The following PLCL2 variants were observed in gnomAD, a reference collection of about 807,000 sequenced individuals.
The protein encoded by PLCL2 is phospholipase C like 2, also known as inactive phospholipase C-like protein 2.
A neutral mutation model predicts 79.6 loss-of-function variants in PLCL2; 4 were observed. The ratio of observed to expected loss-of-function variants is 0.05; its 90% CI spans 0.02 to 0.11. PLCL2 has a LOEUF of 0.11. Among genes scored for constraint, PLCL2 ranks in the 10% least tolerant of loss-of-function variants. The probability of loss-of-function intolerance (pLI) is 1.00; values close to 1 mark genes in which losing one functional copy is unlikely to be tolerated. For synonymous variants in PLCL2, 484 were observed against 457.7 expected (o/e 1.06, Z -0.73); for missense variants, 895 against 1,291.0 (o/e 0.69, Z 4.70).
At chr3:16,949,308 C>T (rs1315167351) in intron 1 of PLCL2, among the ~76,000 whole-genome samples, 3 of 152,208 alleles carry the variant, frequency 2.0e-5, no homozygotes. Flanking sequence ...TTTCCCTACA[C>T]ACTTGCTAAT....
Position 16,932,002 on chromosome 3 carries a change from T to C in PLCL2, c.327+46636T>C, listed in dbSNP as rs375780909. On this transcript the variant is annotated intron_variant, in intron 1 of 5. Coordinates refer to ENST00000615277, the MANE Select transcript of PLCL2 (RefSeq NM_001144382.2). Reference sequence around the variant, plus strand: ...ACTGTCTTTCTGCCATGTGAAGATATAAGGAAAAGGTGGCCATCTGCAGCC... The same window carrying C: ...ACTGTCTTTCTGCCATGTGAAGATACAAGGAAAAGGTGGCCATCTGCAGCC... Among the ~76,000 whole-genome samples the C allele has an allele frequency of 9.6e-4, 146 of 152,176 alleles. 1 individual carries two copies. Among genetic ancestry groups the C allele is most frequent in the East Asian group, 3.3e-3 (17 of 5,172 alleles).
chr3:17,019,197 T>C (rs1203797565), intron 3 of PLCL2, among the ~76,000 whole-genome samples: 1 of 152,150 alleles, frequency 6.6e-6, no homozygotes, highest in Non-Finnish European at 1.5e-5. Flanking sequence ...GATGAGTTCG[T>C]AGGGTGAAAC....
intron 1 of PLCL2, among the ~76,000 whole-genome samples, chr3:16,981,949 AATTATCCTCTTTTATATT>A (rs2064003231): frequency 6.6e-6 from 1 of 152,196 alleles, no homozygotes; most frequent in Non-Finnish European, 1.5e-5. Flanking sequence ...CTTCATCTTA[AATTATCCTCTTTTATATT>A]ATGCTGTGAC....
rs377689329 is a variant in PLCL2 at position 17,007,761 on chromosome 3, C to T, written c.328-1913C>T. On this transcript the variant is annotated intron_variant, in intron 1 of 5. Transcript: ENST00000615277. The stretch of plus-strand genomic sequence containing the variant: ...AAATACAGATATTTTCTATCCAGAG[C>T]AGGAAAATTAGAATTGCCTTTGGAT... Among the ~76,000 whole-genome samples the T allele has an allele frequency of 5.3e-5, 8 of 152,288 alleles. No individual in the cohort carries two copies. In the East Asian group the frequency reaches 1.3e-3, roughly 26 times the overall value.
chr3:16,947,405 C>T (rs933289054), intron 1 of PLCL2, among the ~76,000 whole-genome samples: 2 of 152,084 alleles, frequency 1.3e-5, no homozygotes, highest in Admixed American at 1.3e-4. Flanking sequence ...TGCAGTTGTT[C>T]CTAGAACCAC....
intron 5 of PLCL2, among the ~76,000 whole-genome samples, chr3:17,078,930 C>T (rs2065134776): frequency 6.6e-6 from 1 of 152,138 alleles, no homozygotes; most frequent in South Asian, 2.1e-4. Flanking sequence ...GAAAATTTCT[C>T]AGAATGGCTC....
At chr3:16,943,842 G>A (rs1244190779) in intron 1 of PLCL2, among the ~76,000 whole-genome samples, 1 of 152,030 alleles carries the variant, frequency 6.6e-6, no homozygotes, top group Non-Finnish European at 1.5e-5. Flanking sequence ...TCTAATTAAG[G>A]TCTCTTCTAG....
At chr3:16,951,363 A>G (rs1223239878) in intron 1 of PLCL2, among the ~76,000 whole-genome samples, 1 of 151,978 alleles carries the variant, frequency 6.6e-6, no homozygotes, top group Non-Finnish European at 1.5e-5. Flanking sequence ...TTAAATTTTA[A>G]CATACTATCT....
intron 3 of PLCL2, among the ~76,000 whole-genome samples, chr3:17,020,350 A>T (rs1156993831): frequency 1.3e-5 from 2 of 152,202 alleles, no homozygotes. Context: ...CATTGTAATT[A>T]AATTGAAGTT....
intron 5 of PLCL2, among the ~76,000 whole-genome samples, chr3:17,089,419 T>C (rs2065252285): frequency 6.6e-6 from 1 of 151,960 alleles, no homozygotes; most frequent in Non-Finnish European, 1.5e-5. Flanking sequence ...AAAAACAAGA[T>C]TGGCCAAACA....
intron 3 of PLCL2, among the ~76,000 whole-genome samples, chr3:17,028,747 T>C (rs2064545467): frequency 6.6e-6 from 1 of 152,018 alleles, no homozygotes; most frequent in Non-Finnish European, 1.5e-5. Flanking sequence ...CCTCCCAAAG[T>C]GCTGGGAATT....
chr3:16,980,483 C>T (rs977601529), intron 1 of PLCL2, among the ~76,000 whole-genome samples: 5 of 150,736 alleles, frequency 3.3e-5, no homozygotes, highest in African/African-American at 1.2e-4. Flanking sequence ...AGAGACGCTC[C>T]TCACATCCCG....
intron 1 of PLCL2, among the ~76,000 whole-genome samples, chr3:16,954,132 C>T (rs1213208181): frequency 6.6e-6 from 1 of 152,066 alleles, no homozygotes; most frequent in Non-Finnish European, 1.5e-5. Flanking sequence ...CCCATTAACT[C>T]GCCATTTAAC....
chr3:17,046,657 C>T (rs2064783555), intron 4 of PLCL2, among the ~76,000 whole-genome samples: 1 of 152,042 alleles, frequency 6.6e-6, no homozygotes, highest in Non-Finnish European at 1.5e-5. Flanking sequence ...TTCTTTAAGC[C>T]ACAAATCCAT....
rs377006198 is a variant in PLCL2, at chr3:16,966,127, C to T, written c.328-43547C>T. Among the ~76,000 whole-genome samples, 40 of 151,150 alleles carry T rather than the reference C, an allele frequency of 2.6e-4. No homozygotes were observed. In the East Asian group the frequency reaches 4.6e-3, roughly 18 times the overall value. On this transcript the variant is annotated intron_variant, in intron 1 of 5. Coordinates refer to ENST00000615277, the MANE Select transcript of PLCL2 (RefSeq NM_001144382.2). ...CAAAGGGAATGCTTCCAGTTTTTGC[C>T]CATTCAGTATGATATTGGCTGTGAG...
At chr3:16,952,918 T>C (rs1444191098) in intron 1 of PLCL2, among the ~76,000 whole-genome samples, 1 of 152,146 alleles carries the variant, frequency 6.6e-6, no homozygotes, top group Non-Finnish European at 1.5e-5. Flanking sequence ...TTTATATTCT[T>C]TGACCCAGAA....
intron 5 of PLCL2, among the ~76,000 whole-genome samples, chr3:17,071,300 C>A (rs1292534381): frequency 1.3e-5 from 2 of 152,158 alleles, no homozygotes; most frequent in Non-Finnish European, 2.9e-5. Context: ...TTTTATGAAT[C>A]TTTACTTGCC....
At chr3:17,003,433 T>G (rs1015962509) in intron 1 of PLCL2, among the ~76,000 whole-genome samples, 3 of 152,214 alleles carry the variant, frequency 2.0e-5, no homozygotes, top group African/African-American at 7.2e-5. Flanking sequence ...GAGGGTTTAC[T>G]CAGAGTTCCT....
intron 1 of PLCL2, among the ~76,000 whole-genome samples, chr3:16,901,501 C>T (rs1360130550): frequency 6.6e-6 from 1 of 152,212 alleles, no homozygotes; most frequent in Non-Finnish European, 1.5e-5. Flanking sequence ...CTGTCACCAC[C>T]CCCTCACCGT....
Sources: allele counts gnomAD v4.1 joint callset (sites outside exome capture counted in the v4.1 genomes callset), GRCh38; gene constraint gnomAD v4.1.1; transcripts MANE v1.5; gene names NCBI Gene and HGNC (gene_info 2026-07-23, HGNC 2026-07-21).